SF3B3: variants seen among roughly 807,000 people sequenced by gnomAD.
SF3B3 encodes SAP 130.
SF3B3 carries 33 observed loss-of-function variants against 139.2 expected under a neutral mutation model. The observed-to-expected ratio is 0.24, with a 90% CI of 0.18 to 0.32. SF3B3 has a LOEUF of 0.32. Ranked by LOEUF, SF3B3 falls within the 10% of genes least tolerant of loss-of-function variation. SF3B3 has a pLI of 1.00. For missense variants in SF3B3, 818 were observed against 1,509.4 expected (o/e 0.54, Z 7.59); for synonymous variants, 596 against 563.6 (o/e 1.06, Z -0.81).
chr16:70,572,045 C>T lies in SF3B3; in HGVS notation c.*232C>T, dbSNP rs1482113152. 6.0e-6 allele frequency: 4 copies of T among 663,070 alleles called. No individual in the cohort carries two copies. In the East Asian group the frequency reaches 1.2e-4, roughly 20 times the overall value. The allele number at this position is 663,070 out of a possible 1,614,324, so 41.1% of individuals were successfully genotyped here. A position where few individuals can be genotyped will look rare whatever the true frequency, so the allele number is the denominator to read the frequency against. On this transcript the variant is annotated 3_prime_UTR_variant, in exon 26 of 26. Coordinates refer to ENST00000302516, the MANE Select transcript of SF3B3 (RefSeq NM_012426.5). ...CCCACCTGGTACATGATACATGACC[C>T]CAGGTTCCAGTGTAGAACCTGAGTC...
At chr16:70,553,658 A>G (rs965348918) in intron 11 of SF3B3, among the ~76,000 whole-genome samples, 16 of 151,466 alleles carry the variant, frequency 1.1e-4, no homozygotes, top group African/African-American at 3.4e-4. Flanking sequence ...GGTGAGATAC[A>G]TGGAAAATAG....
rs899951106 is a variant in SF3B3, at chr16:70,576,856, A to C, written c.*5043A>C. On this transcript the variant is annotated 3_prime_UTR_variant, in exon 26 of 26. Coordinates refer to ENST00000302516, the MANE Select transcript of SF3B3 (RefSeq NM_012426.5). ...ATAAGACTGATTTACTGGGCCTGGC[A>C]TGGTGGCTCACACCTGTAATCCCAG... 1 of 152,382 alleles carries C rather than the reference A, an allele frequency of 6.6e-6. No individual in the cohort carries two copies. Among genetic ancestry groups the C allele is most frequent in the South Asian group, 2.1e-4 (1 of 4,822 alleles). 9.4% of individuals were successfully genotyped at this position (152,382 alleles called of 1,614,324 possible).
rs576956977 is a variant in SF3B3, at chr16:70,537,037, G to A, written c.826-1286G>A. Among the ~76,000 whole-genome samples, 142 of 149,650 alleles carry A rather than the reference G, an allele frequency of 9.5e-4. 3 individuals carry two copies. The highest frequency in any genetic ancestry group is 9.2e-3 in the Admixed American group (139 of 15,060). On this transcript the variant is annotated intron_variant, in intron 6 of 25. Transcript: ENST00000302516. ...TATTGGCCAGGCTGGTATCGAACTC[G>A]TGACCTTGTGATCTGCCTGCCTCAG...
chr16:70,551,732 T>C (rs1260143395), intron 11 of SF3B3, among the ~76,000 whole-genome samples: 1 of 152,104 alleles, frequency 6.6e-6, no homozygotes, highest in African/African-American at 2.4e-5. Context: ...TTTATAGAAT[T>C]GGGGTCTTGT....
chr16:70,557,378 T>G (rs1205140920), intron 15 of SF3B3, among the ~76,000 whole-genome samples: 5 of 152,190 alleles, frequency 3.3e-5, no homozygotes, highest in African/African-American at 1.2e-4. Context: ...TCATTAGCAA[T>G]AAAGGACCCC....
At chr16:70,563,674 T>C (rs1325016791) in intron 17 of SF3B3, 1 of 546,734 alleles carries the variant, frequency 1.8e-6, no homozygotes, top group Non-Finnish European at 3.2e-6. Flanking sequence ...TGGTAGGGTG[T>C]TGCCAAATGG....
intron 1 of SF3B3, 45 bp downstream of exon 1, chr16:70,523,973 G>T: frequency 2.4e-6 from 1 of 420,194 alleles, no homozygotes; most frequent in South Asian, 8.0e-5. Flanking sequence ...GGGAGGCGGA[G>T]ACCGGCCATA....
rs2050535347 is a variant in SF3B3, at chr16:70,572,137, C to T, written c.*324C>T. The stretch of plus-strand genomic sequence containing the variant: ...TCTCCTGTCTACTTTTGCACACACC[C>T]TTAATTTTTAATTGGTTTTCTTGTA... On this transcript the variant is annotated 3_prime_UTR_variant, in exon 26 of 26. Transcript: ENST00000302516. 1 of 523,784 alleles carries T rather than the reference C, an allele frequency of 1.9e-6. No homozygotes were observed. The highest frequency in any genetic ancestry group is 3.7e-6 in the Non-Finnish European group (1 of 271,140). The allele number at this position is 523,784 out of a possible 1,614,324, so 32.4% of individuals were successfully genotyped here. A position where few individuals can be genotyped will look rare whatever the true frequency, so the allele number is the denominator to read the frequency against.
In SF3B3 at chr16:70,549,654, G is replaced by A. The variant is rs185788075; in HGVS notation, c.1402+1212G>A. On this transcript the variant is annotated intron_variant, in intron 11 of 25. Coordinates refer to ENST00000302516, the MANE Select transcript of SF3B3 (RefSeq NM_012426.5). ...TTAAAACAGATTTAGGGCCAGGTGC[G>A]GTGGCTCATGCCTGTAATCCCAGCA... is the stretch of plus-strand genomic sequence containing the variant. 5.3e-5 allele frequency among the ~76,000 whole-genome samples: 8 copies of A among 152,124 alleles called. No individual in the cohort carries two copies. The East Asian group carries it at 1.2e-3, about 22-fold the overall frequency.
chr16:70,555,500 A>ATG (rs1555500454), intron 13 of SF3B3, among the ~76,000 whole-genome samples: 1 of 141,466 alleles, frequency 7.1e-6, no homozygotes, highest in African/African-American at 2.6e-5. Context: ...AAAAAAAAAA[A>ATG]GCGAGCTGGA....
rs758636412 is a variant in SF3B3 at position 70,556,957 on chromosome 16, T to C, written c.1938T>C (p.Gly646=). 6.2e-7 allele frequency: 1 copy of C among 1,614,014 alleles called. No homozygotes were observed. The highest frequency in any genetic ancestry group is 1.7e-5 in the Admixed American group (1 of 59,990). Residue 646 remains glycine (G), a synonymous_variant, in exon 15 of 26, where the codon GGT becomes GGC. Transcript: ENST00000302516. The stretch of plus-strand genomic sequence containing the variant: ...AGTCCTTGTGTATCGTGGAAATGGG[T>C]GGGACTGAGAAGCAGGATGAGCTGG... The part of the protein sequence containing the change: ...QPESLCIVEM[G]GTEKQDELGE...
At chr16:70,532,363 A>AAAAAAAAAAAC (rs2050130167) in intron 4 of SF3B3, 116 bp from the exon 5 acceptor site, 1 of 820,012 alleles carries the variant, frequency 1.2e-6, no homozygotes, top group African/African-American at 1.9e-5. Flanking sequence ...TCTCCAAAAA[A>AAAAAAAAAAAC]AAAAGAAGAC....
chr16:70,545,981 T>G (rs1415916218), intron 10 of SF3B3, among the ~76,000 whole-genome samples: 1 of 152,152 alleles, frequency 6.6e-6, no homozygotes, highest in Non-Finnish European at 1.5e-5. Flanking sequence ...TTTTGGTTTT[T>G]TGTTGTTGTT....
At chr16:70,544,578 C>A in intron 10 of SF3B3, 45 bp downstream of exon 10, 1 of 1,109,860 alleles carries the variant, frequency 9.0e-7, no homozygotes, top group Admixed American at 1.7e-5. Context: ...TGGAGGGAAG[C>A]ACTGACAAAG....
Position 70,535,433 on chromosome 16 carries a change from A to T in SF3B3, c.825+13A>T, listed in dbSNP as rs1414617525. The stretch of plus-strand genomic sequence containing the variant: ...TCCCAGGAGGCGGGTAAGATCTTTG[A>T]TATAAGAAGAGAGAGATTTGTGTTT... On this transcript the variant is annotated intron_variant, in intron 6 of 25. Coordinates refer to ENST00000302516, the MANE Select transcript of SF3B3 (RefSeq NM_012426.5). The T allele has an allele frequency of 1.4e-6, 2 of 1,411,506 alleles. No individual in the cohort carries two copies. The highest frequency in any genetic ancestry group is 2.8e-5 in the African/African-American group (2 of 70,568). 87.4% of individuals were successfully genotyped at this position (1,411,506 alleles called of 1,614,324 possible). A position where few individuals can be genotyped will look rare whatever the true frequency, so the allele number is the denominator to read the frequency against.
intron 11 of SF3B3, 87 bp downstream of exon 11, chr16:70,548,529 G>C (rs2050290535): frequency 8.6e-7 from 1 of 1,162,332 alleles, no homozygotes; most frequent in Non-Finnish European, 1.3e-6. Flanking sequence ...TAATACTTCT[G>C]TATCATTTCA....
chr16:70,542,958 C>T (rs966036665), intron 9 of SF3B3, among the ~76,000 whole-genome samples: 12 of 151,992 alleles, frequency 7.9e-5, no homozygotes, highest in East Asian at 1.9e-4. Flanking sequence ...ATTCTGACCT[C>T]GTGATCCGCC....
chr16:70,561,577 A>C, intron 16 of SF3B3, 53 bp from the exon 17 acceptor site: 1 of 1,548,242 alleles, frequency 6.5e-7, no homozygotes, highest in Non-Finnish European at 8.9e-7. Context: ...CTTATACCAT[A>C]TTTGTATTTT....
At chr16:70,560,043 G>GTATCCCCA (rs766181606) in intron 15 of SF3B3, among the ~76,000 whole-genome samples, 12 of 152,134 alleles carry the variant, frequency 7.9e-5, no homozygotes, top group Non-Finnish European at 1.3e-4. Flanking sequence ...GCACAATAAA[G>GTATCCCCA]TATCCCCACA....
Sources: allele counts gnomAD v4.1 joint callset (sites outside exome capture counted in the v4.1 genomes callset), GRCh38; gene constraint gnomAD v4.1.1; transcripts MANE v1.5; gene names NCBI Gene and HGNC (gene_info 2026-07-23, HGNC 2026-07-21).